MCPH1: variants seen among roughly 807,000 people sequenced by gnomAD.
MCPH1 encodes microcephalin 1.
Under a neutral mutation model 84.5 loss-of-function variants are expected in MCPH1, and 104 were observed. The observed-to-expected ratio is 1.23, with a 90% CI of 1.05 to 1.45. The LOEUF is 1.45. Among genes scored for constraint, MCPH1 ranks in the 40% most tolerant of loss-of-function variants. MCPH1 has a pLI of 0.00. For missense variants in MCPH1, 1,498 were observed against 1,005.7 expected, an observed-to-expected ratio of 1.49 and a Z score of -6.62; for synonymous variants, 514 against 366.8, an observed-to-expected ratio of 1.40 and a Z score of -4.58.
chr8:6,436,839 A>G (rs371336747), intron 5 of MCPH1, among the ~76,000 whole-genome samples: 15 of 151,908 alleles, frequency 9.9e-5, no homozygotes, highest in East Asian at 9.7e-4. Context: ...GAGTGGTGGC[A>G]GGCGCCTGTA....
intron 7 of MCPH1, among the ~76,000 whole-genome samples, chr8:6,443,516 T>A (rs1563215118): frequency 6.6e-6 from 1 of 152,214 alleles, no homozygotes; most frequent in Admixed American, 6.5e-5. Flanking sequence ...TTGAGTGATT[T>A]CTACAAAACA....
chr8:6,486,589 GAGA>G (rs1396418793), intron 11 of MCPH1, among the ~76,000 whole-genome samples: 1 of 152,110 alleles, frequency 6.6e-6, no homozygotes, highest in South Asian at 2.1e-4. Flanking sequence ...TAATATTTTT[GAGA>G]AGTTTATTGG....
chr8:6,541,385 G>A (rs1821540344), intron 12 of MCPH1, among the ~76,000 whole-genome samples: 1 of 152,160 alleles, frequency 6.6e-6, no homozygotes, highest in African/African-American at 2.4e-5. Context: ...TGTATTTATA[G>A]CCCCCAGTCA....
At chr8:6,453,235 T>A (rs923757039) in intron 8 of MCPH1, among the ~76,000 whole-genome samples, 1 of 152,180 alleles carries the variant, frequency 6.6e-6, no homozygotes, top group Non-Finnish European at 1.5e-5. Flanking sequence ...CAGAAGTACT[T>A]TGCACTCTCA....
intron 12 of MCPH1, among the ~76,000 whole-genome samples, chr8:6,551,920 T>C (rs1823717718): frequency 6.6e-6 from 1 of 152,212 alleles, no homozygotes; most frequent in African/African-American, 2.4e-5. Context: ...ATGTAATAAT[T>C]TTTTGAGATT....
chr8:6,451,819 T>C (rs542983733), intron 8 of MCPH1, among the ~76,000 whole-genome samples: 2 of 152,220 alleles, frequency 1.3e-5, no homozygotes, highest in Non-Finnish European at 2.9e-5. Context: ...TTGGATAATG[T>C]TAAGTGTATA....
intron 3 of MCPH1, among the ~76,000 whole-genome samples, chr8:6,425,713 T>TA (rs1800962205): frequency 6.6e-6 from 1 of 152,176 alleles, no homozygotes. Flanking sequence ...AAAGAATACT[T>TA]ACTGGTTTTG....
intron 12 of MCPH1, chr8:6,521,103 G>T (rs753962756): frequency 2.6e-5 from 31 of 1,211,974 alleles, no homozygotes; most frequent in Non-Finnish European, 3.0e-5. Flanking sequence ...TGAAAGGTGA[G>T]AATTTTTTAG....
At chr8:6,465,703 C>G (rs990167319) in intron 9 of MCPH1, among the ~76,000 whole-genome samples, 4 of 152,124 alleles carry the variant, frequency 2.6e-5, no homozygotes, top group Non-Finnish European at 5.9e-5. Flanking sequence ...GCAAACCTTA[C>G]GGCTTATTTC....
intron 9 of MCPH1, among the ~76,000 whole-genome samples, chr8:6,456,711 C>T (rs1409848650): frequency 6.6e-6 from 1 of 151,198 alleles, no homozygotes; most frequent in Admixed American, 6.6e-5. Context: ...ACTTGTTACT[C>T]ACCATAAAAA....
intron 3 of MCPH1, among the ~76,000 whole-genome samples, chr8:6,417,693 G>C (rs530538565): frequency 6.6e-6 from 1 of 152,000 alleles, no homozygotes; most frequent in Non-Finnish European, 1.5e-5. Context: ...CTCACCTTTG[G>C]TTTTCCTGTC....
At chr8:6,436,928 C>T (rs1802734796) in intron 5 of MCPH1, among the ~76,000 whole-genome samples, 1 of 151,938 alleles carries the variant, frequency 6.6e-6, no homozygotes, top group African/African-American at 2.4e-5. Flanking sequence ...CGAGACTGCA[C>T]CACTGCACTC....
At chr8:6,623,410 C>G (rs116749182) in intron 13 of MCPH1, among the ~76,000 whole-genome samples, 18 of 151,970 alleles carry the variant, frequency 1.2e-4, no homozygotes, top group Non-Finnish European at 2.1e-4. Flanking sequence ...GCTTCCATCT[C>G]CTTCCATGTT....
intron 2 of MCPH1, among the ~76,000 whole-genome samples, chr8:6,409,662 A>G (rs1250748775): frequency 6.8e-6 from 1 of 146,854 alleles, no homozygotes; most frequent in African/African-American, 2.5e-5. Flanking sequence ...CAGGAAAAGG[A>G]ACAGGTTTCT....
Position 6,442,524 on chromosome 8 carries a change from T to G in MCPH1, c.670+368T>G, listed in dbSNP as rs557612016. ...ATAATTAACACAAGGAACCTGTTAT[T>G]GAACGGGGTCAGTGAAGTATGTAAA... On this transcript the variant is annotated intron_variant, in intron 7 of 13. Coordinates refer to ENST00000344683, the MANE Select transcript of MCPH1 (RefSeq NM_024596.5). 2.6e-5 allele frequency among the ~76,000 whole-genome samples: 4 copies of G among 152,344 alleles called. No individual in the cohort carries two copies. The East Asian group carries it at 7.7e-4, about 29-fold the overall frequency.
chr8:6,409,406 G>C (rs764106618), intron 2 of MCPH1, 36 bp downstream of exon 2: 24 of 1,480,006 alleles, frequency 1.6e-5, no homozygotes, highest in Non-Finnish European at 2.2e-5. Context: ...TCATATGACA[G>C]TCTTCTGATT....
intron 12 of MCPH1, among the ~76,000 whole-genome samples, chr8:6,591,241 G>A (rs1443466985): frequency 2.0e-5 from 3 of 152,234 alleles, no homozygotes; most frequent in African/African-American, 2.4e-5. Flanking sequence ...TGCTCAGTAC[G>A]ATGAGTAGTT....
At chr8:6,543,535 C>A (rs1041645260) in intron 12 of MCPH1, among the ~76,000 whole-genome samples, 1 of 152,162 alleles carries the variant, frequency 6.6e-6, no homozygotes, top group Non-Finnish European at 1.5e-5. Context: ...GGAATAAACC[C>A]GCCCAAACCA....
intron 11 of MCPH1, among the ~76,000 whole-genome samples, chr8:6,489,151 A>T (rs999486897): frequency 2.0e-5 from 3 of 152,182 alleles, no homozygotes; most frequent in Non-Finnish European, 4.4e-5. Flanking sequence ...ATTCAAATAG[A>T]GATACTACAT....
Sources: allele counts gnomAD v4.1 joint callset (sites outside exome capture counted in the v4.1 genomes callset), GRCh38; gene constraint gnomAD v4.1.1; transcripts MANE v1.5; gene names NCBI Gene and HGNC (gene_info 2026-07-23, HGNC 2026-07-21).